PDE10A: variants seen among roughly 807,000 people sequenced by gnomAD.
The protein encoded by PDE10A is cAMP and cAMP-inhibited cGMP 3',5'-cyclic phosphodiesterase 10A.
Under a neutral mutation model 97.7 loss-of-function variants are expected in PDE10A, and 39 were observed. The ratio of observed to expected loss-of-function variants is 0.40; its 90% CI spans 0.31 to 0.52. The LOEUF is 0.52. Ranked by LOEUF, PDE10A falls within the 20% of genes least tolerant of loss-of-function variation. The probability of loss-of-function intolerance (pLI) is 0.56; values close to 1 mark genes in which losing one functional copy is unlikely to be tolerated. For missense variants in PDE10A, 731 were observed against 1,047.8 expected, an observed-to-expected ratio of 0.70 and a Z score of 4.17; for synonymous variants, 371 against 376.8, an observed-to-expected ratio of 0.98 and a Z score of 0.18.
chr6:165,622,936 T>C (rs2983504), intron 1 of PDE10A, among the ~76,000 whole-genome samples: 13,207 of 151,942 alleles, frequency 0.087, 1,910 homozygotes, highest in African/African-American at 0.3. Flanking sequence ...TGAGATCTGG[T>C]CATTTAAAAG....
At chr6:165,809,806 G>T (rs888923558) in intron 1 of PDE10A, among the ~76,000 whole-genome samples, 3 of 152,196 alleles carry the variant, frequency 2.0e-5, no homozygotes, top group African/African-American at 7.2e-5. Flanking sequence ...ATCAGCCCTG[G>T]AACGGGCGGC....
chr6:165,705,521 A>G (rs189152085), intron 1 of PDE10A, among the ~76,000 whole-genome samples: 9 of 152,382 alleles, frequency 5.9e-5, no homozygotes, highest in Non-Finnish European at 1.3e-4. Context: ...AGGTCTTCAC[A>G]AAATACTGCA....
chr6:165,549,656 T>C (rs1783917792), intron 1 of PDE10A, among the ~76,000 whole-genome samples: 1 of 152,182 alleles, frequency 6.6e-6, no homozygotes, highest in African/African-American at 2.4e-5. Flanking sequence ...CTTGAAATAT[T>C]CAACTCTCTG....
chr6:165,666,555 A>G (rs1412308959), upstream of PDE10A, among the ~76,000 whole-genome samples: 2 of 152,234 alleles, frequency 1.3e-5, no homozygotes, highest in African/African-American at 2.4e-5. Flanking sequence ...GTCATATCAC[A>G]CAAACTCTCT....
upstream of PDE10A, among the ~76,000 whole-genome samples, chr6:165,668,025 A>T (rs1277784003): frequency 6.6e-6 from 1 of 152,260 alleles, no homozygotes; most frequent in East Asian, 1.9e-4. Context: ...CACAACAATG[A>T]GTTCTGTTTA....
At chr6:165,731,503 G>A (rs941046360) in intron 1 of PDE10A, among the ~76,000 whole-genome samples, 1 of 152,198 alleles carries the variant, frequency 6.6e-6, no homozygotes, top group African/African-American at 2.4e-5. Flanking sequence ...GGAACGAGAG[G>A]TGCATCTGCG....
At chr6:165,736,818 T>C (rs1232497825) in intron 1 of PDE10A, among the ~76,000 whole-genome samples, 1 of 151,928 alleles carries the variant, frequency 6.6e-6, no homozygotes, top group Non-Finnish European at 1.5e-5. Context: ...AGAGCAGAAA[T>C]AAATGACACT....
intron 1 of PDE10A, among the ~76,000 whole-genome samples, chr6:165,889,303 A>G (rs556417022): frequency 6.6e-6 from 1 of 152,320 alleles, no homozygotes; most frequent in African/African-American, 2.4e-5. Flanking sequence ...TTAGTTAGAT[A>G]ATGAATTATT....
intron 1 of PDE10A, among the ~76,000 whole-genome samples, chr6:165,816,330 TA>T (rs752223116): frequency 6.6e-6 from 1 of 152,344 alleles, no homozygotes; most frequent in South Asian, 2.1e-4. Context: ...ATTCAGTTAA[TA>T]TTTATTGATT....
intron 5 of PDE10A, among the ~76,000 whole-genome samples, chr6:165,436,700 T>TA (rs1248290034): frequency 6.6e-6 from 1 of 152,160 alleles, no homozygotes; most frequent in African/African-American, 2.4e-5. Flanking sequence ...ACTTATGGAT[T>TA]AAAAAATTAC....
chr6:165,442,880 G>A (rs915433915), intron 5 of PDE10A, among the ~76,000 whole-genome samples: 39 of 152,044 alleles, frequency 2.6e-4, no homozygotes, highest in South Asian at 6.2e-4. Flanking sequence ...AGGCTAAGGC[G>A]GGTGGATCGA....
chr6:165,840,254 T>C (rs944846450), intron 1 of PDE10A, among the ~76,000 whole-genome samples: 1 of 151,290 alleles, frequency 6.6e-6, no homozygotes, highest in Non-Finnish European at 1.5e-5. Flanking sequence ...GCTCCATCCT[T>C]ATCTCCCTCA....
At chr6:165,445,631 C>T (rs998310311) in intron 5 of PDE10A, among the ~76,000 whole-genome samples, 1 of 152,156 alleles carries the variant, frequency 6.6e-6, no homozygotes, top group Non-Finnish European at 1.5e-5. Context: ...GAAATTAGTA[C>T]TGGAGGGAAA....
chr6:165,606,980 T>C lies in PDE10A; in HGVS notation c.865+54967A>G, dbSNP rs1787241671. Reference sequence around the variant, plus strand: ...GCTCTTCATATTCCAATATAATATATACATTTATCCTCATATACTTATTCT... The same window carrying C: ...GCTCTTCATATTCCAATATAATATACACATTTATCCTCATATACTTATTCT... On this transcript the variant is annotated intron_variant, in intron 1 of 21. Coordinates refer to ENST00000539869, the MANE Select transcript of PDE10A (RefSeq NM_001385079.1). 2.6e-5 allele frequency among the ~76,000 whole-genome samples: 4 copies of C among 152,326 alleles called. No individual in the cohort carries two copies. In the South Asian group the frequency reaches 8.3e-4, roughly 32 times the overall value.
intron 1 of PDE10A, among the ~76,000 whole-genome samples, chr6:165,700,487 C>A (rs1386811573): frequency 6.6e-6 from 1 of 152,146 alleles, no homozygotes; most frequent in African/African-American, 2.4e-5. Flanking sequence ...CTCAATAAAT[C>A]TTTTTTTCAA....
intron 2 of PDE10A, among the ~76,000 whole-genome samples, chr6:165,503,980 G>A (rs1781048225): frequency 6.6e-6 from 1 of 152,142 alleles, no homozygotes. Context: ...CAAAATTATT[G>A]TCATAAAATT....
At chr6:165,862,676 C>T (rs1780937797) in intron 1 of PDE10A, among the ~76,000 whole-genome samples, 1 of 140,808 alleles carries the variant, frequency 7.1e-6, no homozygotes. Context: ...AGCAGTCGTC[C>T]TTTTTTTTTT....
At chr6:165,357,767 A>C (rs1208841059) in intron 18 of PDE10A, among the ~76,000 whole-genome samples, 1 of 151,906 alleles carries the variant, frequency 6.6e-6, no homozygotes, top group Non-Finnish European at 1.5e-5. Context: ...AATTAGTCAG[A>C]ATTGTATCCA....
Position 165,663,184 on chromosome 6 carries a change from G to A in PDE10A, c.-373C>T, listed in dbSNP as rs1790382400. ...CTTCTCGAAAGCAGCGGAGAAAAGC[G>A]CCGCAGTGCCGCTGCCCGTGGAGGC... On this transcript the variant is annotated 5_prime_UTR_variant, in exon 1 of 22. Coordinates refer to ENST00000539869, the MANE Select transcript of PDE10A (RefSeq NM_001385079.1). Among the ~76,000 whole-genome samples the A allele has an allele frequency of 6.6e-6, 1 of 151,944 alleles. No individual in the cohort carries two copies. Among genetic ancestry groups the A allele is most frequent in the Non-Finnish European group, 1.5e-5 (1 of 67,944 alleles).
Sources: allele counts gnomAD v4.1 joint callset (sites outside exome capture counted in the v4.1 genomes callset), GRCh38; gene constraint gnomAD v4.1.1; transcripts MANE v1.5; gene names NCBI Gene and HGNC (gene_info 2026-07-23, HGNC 2026-07-21).